Variants in RCAN2 observed in about 807,000 individuals in gnomAD.
The protein encoded by RCAN2 is regulator of calcineurin 2.
In RCAN2, 9 loss-of-function variants were observed where a neutral mutation model predicts 23.6. The ratio of observed to expected loss-of-function variants is 0.38; its 90% CI spans 0.23 to 0.67. RCAN2 has a LOEUF of 0.67. Among genes scored for constraint, RCAN2 ranks in the 30% least tolerant of loss-of-function variants. The probability of loss-of-function intolerance (pLI) is 0.51; values close to 1 mark genes in which losing one functional copy is unlikely to be tolerated. For synonymous variants in RCAN2, 109 were observed against 115.7 expected (o/e 0.94, Z 0.37); for missense variants, 273 against 302.3 (o/e 0.90, Z 0.72).
At chr6:46,471,806 T>C (rs989471746) in intron 1 of RCAN2, among the ~76,000 whole-genome samples, 1 of 152,010 alleles carries the variant, frequency 6.6e-6, no homozygotes, top group African/African-American at 2.4e-5. Flanking sequence ...AGGGGGTGTG[T>C]TATAGGGATT....
intron 1 of RCAN2, 43 bp downstream of exon 1, chr6:46,491,130 G>C (rs1368350412): frequency 6.6e-6 from 1 of 151,258 alleles, no homozygotes; most frequent in Non-Finnish European, 1.5e-5. Context: ...CCGGCGGGAC[G>C]GGGTGCCTGG....
intron 2 of RCAN2, among the ~76,000 whole-genome samples, chr6:46,364,638 A>T (rs1270798828): frequency 6.6e-6 from 1 of 152,124 alleles, no homozygotes; most frequent in Non-Finnish European, 1.5e-5. Context: ...TTGCAACATC[A>T]TGCATGCTAT....
intron 2 of RCAN2, among the ~76,000 whole-genome samples, chr6:46,355,373 GC>G (rs2150380389): frequency 6.6e-6 from 1 of 152,242 alleles, no homozygotes; most frequent in East Asian, 1.9e-4. Flanking sequence ...TTTATCAGAA[GC>G]CACTCTGAAC....
intron 2 of RCAN2, among the ~76,000 whole-genome samples, chr6:46,391,531 T>C (rs938411971): frequency 2.0e-5 from 3 of 152,172 alleles, no homozygotes; most frequent in Non-Finnish European, 2.9e-5. Context: ...GGGAGCAAAG[T>C]ACACTGCCAT....
At chr6:46,356,056 G>A (rs971563767) in intron 2 of RCAN2, among the ~76,000 whole-genome samples, 17 of 152,214 alleles carry the variant, frequency 1.1e-4, no homozygotes, top group African/African-American at 4.1e-4. Context: ...CACAGACACA[G>A]ACACAGACAT....
At chr6:46,278,867 A>G (rs1234218584) in intron 2 of RCAN2, among the ~76,000 whole-genome samples, 1 of 152,168 alleles carries the variant, frequency 6.6e-6, no homozygotes, top group Non-Finnish European at 1.5e-5. Flanking sequence ...TTATCAACTC[A>G]TCCCTAAAGC....
chr6:46,253,292 A>G (rs1435366417), intron 2 of RCAN2, among the ~76,000 whole-genome samples: 1 of 152,180 alleles, frequency 6.6e-6, no homozygotes, highest in Non-Finnish European at 1.5e-5. Context: ...ATTCTTTATT[A>G]TTGGGCAACA....
At chr6:46,223,532 A>T (rs1765551002) in intron 4 of RCAN2, among the ~76,000 whole-genome samples, 1 of 152,156 alleles carries the variant, frequency 6.6e-6, no homozygotes, top group Non-Finnish European at 1.5e-5. Flanking sequence ...AATACCTCTT[A>T]GCCTCCACAT....
intron 2 of RCAN2, among the ~76,000 whole-genome samples, chr6:46,274,749 C>T (rs939766681): frequency 2.0e-5 from 3 of 152,110 alleles, no homozygotes; most frequent in Admixed American, 6.5e-5. Context: ...AGAGAGGTCC[C>T]GAGACAGCCC....
chr6:46,405,813 G>C (rs927811190), intron 2 of RCAN2, among the ~76,000 whole-genome samples: 2 of 152,234 alleles, frequency 1.3e-5, no homozygotes, highest in Non-Finnish European at 2.9e-5. Context: ...CCGTGGAGCA[G>C]GGGGTGGTGC....
Position 46,354,564 on chromosome 6 carries a change from TA to T in RCAN2, c.225+102187del, listed in dbSNP as rs111315203. Among the ~76,000 whole-genome samples, 483 of 152,200 alleles carry T rather than the reference TA, an allele frequency of 3.2e-3. 4 individuals are homozygous for T. Among genetic ancestry groups the T allele is most frequent in the African/African-American group, 0.011 (464 of 41,534 alleles). The stretch of plus-strand genomic sequence containing the variant: ...CTGTAATTATTTCAAAATGAGAAGT[TA>T]AAAAAATATTGATGCACAGATCATA... On this transcript the variant is annotated intron_variant, in intron 2 of 4. Transcript: ENST00000371374.
chr6:46,282,693 G>C (rs1394219762), intron 2 of RCAN2, among the ~76,000 whole-genome samples: 1 of 152,170 alleles, frequency 6.6e-6, no homozygotes, highest in Non-Finnish European at 1.5e-5. Context: ...ATGATTCAAT[G>C]ATGGCCCCAT....
chr6:46,310,443 T>TAGAAGGACCAGAATAGAA (rs1267038758), intron 2 of RCAN2, among the ~76,000 whole-genome samples: 1 of 152,132 alleles, frequency 6.6e-6, no homozygotes, highest in Non-Finnish European at 1.5e-5. Context: ...TCAGACCTTC[T>TAGAAGGACCAGAATAGAA]ATTCTACAAC....
chr6:46,483,604 C>T (rs1014626302), intron 1 of RCAN2, among the ~76,000 whole-genome samples: 2 of 152,158 alleles, frequency 1.3e-5, no homozygotes, highest in African/African-American at 4.8e-5. Context: ...AGAGCATCAC[C>T]TAAATGTCAC....
At chr6:46,454,820 T>C (rs1334475286) in intron 2 of RCAN2, among the ~76,000 whole-genome samples, 1 of 152,160 alleles carries the variant, frequency 6.6e-6, no homozygotes, top group Non-Finnish European at 1.5e-5. Flanking sequence ...AATCAGAATA[T>C]CAAAATAGAT....
chr6:46,313,528 A>T (rs1023408705), intron 2 of RCAN2, among the ~76,000 whole-genome samples: 1 of 152,248 alleles, frequency 6.6e-6, no homozygotes, highest in Admixed American at 6.5e-5. Context: ...TTTACATATA[A>T]GGAAAATCTT....
intron 2 of RCAN2, among the ~76,000 whole-genome samples, chr6:46,338,871 C>T (rs1040102466): frequency 3.3e-5 from 5 of 151,858 alleles, no homozygotes; most frequent in South Asian, 2.1e-4. Context: ...AAAAAATAGC[C>T]GGGTATGGTG....
intron 2 of RCAN2, among the ~76,000 whole-genome samples, chr6:46,254,394 T>C (rs1766836115): frequency 6.6e-6 from 1 of 152,132 alleles, no homozygotes; most frequent in Non-Finnish European, 1.5e-5. Context: ...AATACTGGTA[T>C]TGAATGCTGC....
intron 2 of RCAN2, among the ~76,000 whole-genome samples, chr6:46,307,474 G>GC (rs1763108553): frequency 6.6e-6 from 1 of 152,026 alleles, no homozygotes; most frequent in Non-Finnish European, 1.5e-5. Context: ...CATGGTGGTG[G>GC]CTGAAAAAAA....
Sources: allele counts gnomAD v4.1 joint callset (sites outside exome capture counted in the v4.1 genomes callset), GRCh38; gene constraint gnomAD v4.1.1; transcripts MANE v1.5; gene names NCBI Gene and HGNC (gene_info 2026-07-23, HGNC 2026-07-21).